The following RAB3IL1 variants were observed in gnomAD, a reference collection of about 807,000 sequenced individuals.
The protein encoded by RAB3IL1 is RAB3A interacting protein like 1.
RAB3IL1 carries 37 observed loss-of-function variants against 49.2 expected under a neutral mutation model. The ratio of observed to expected loss-of-function variants is 0.75; its 90% CI spans 0.58 to 0.99. The LOEUF (loss-of-function observed/expected upper bound fraction) is 0.99. Among genes scored for constraint, RAB3IL1 ranks in the 50% least tolerant of loss-of-function variants. RAB3IL1 has a pLI of 0.00. For missense variants in RAB3IL1, 484 were observed against 513.0 expected (o/e 0.94, Z 0.55); for synonymous variants, 193 against 213.9 (o/e 0.90, Z 0.85).
chr11:61,940,578 A>G, the RAB3IL1 span, among the ~76,000 whole-genome samples: 1 of 152,004 alleles, frequency 6.6e-6, no homozygotes, highest in Non-Finnish European at 1.5e-5. Context: ...CTTGAGCCCA[A>G]GAGTTCGAGA....
chr11:61,932,454 A>G, the RAB3IL1 span, among the ~76,000 whole-genome samples: 4 of 152,174 alleles, frequency 2.6e-5, no homozygotes, highest in Non-Finnish European at 5.9e-5. Flanking sequence ...TTATTTGCTT[A>G]TATCAGTCTT....
chr11:61,941,933 A>C, the RAB3IL1 span, among the ~76,000 whole-genome samples: 1 of 152,124 alleles, frequency 6.6e-6, no homozygotes. Context: ...TGTAAAGGCC[A>C]GGCATGGTGG....
chr11:61,941,706 C>T, the RAB3IL1 span, among the ~76,000 whole-genome samples: 13 of 151,880 alleles, frequency 8.6e-5, no homozygotes, highest in African/African-American at 2.7e-4. Flanking sequence ...GAGCCCAGAT[C>T]GCACCACTGC....
the RAB3IL1 span, chr11:61,945,950 G>A: frequency 9.2e-5 from 30 of 325,264 alleles, no homozygotes; most frequent in Middle Eastern, 1.5e-3. Flanking sequence ...GGTTTCTGTC[G>A]TCTTTCTGTG....
chr11:61,917,644 C>T, upstream of RAB3IL1: 4 of 898,410 alleles, frequency 4.5e-6, no homozygotes, highest in Non-Finnish European at 5.4e-6. Flanking sequence ...ATCCGGCGCG[C>T]GCTCCCAAGG....
the RAB3IL1 span, among the ~76,000 whole-genome samples, chr11:61,934,079 A>G: frequency 5.3e-5 from 8 of 152,298 alleles, no homozygotes; most frequent in South Asian, 6.2e-4. Flanking sequence ...AAGTCTAGCT[A>G]TACTTTGTCC....
chr11:61,923,598 A>C (rs368504145), upstream of RAB3IL1, among the ~76,000 whole-genome samples: 1 of 149,928 alleles, frequency 6.7e-6, no homozygotes, highest in Admixed American at 6.6e-5. Flanking sequence ...CCCCAAAAAC[A>C]TGTGTGCAGG....
the RAB3IL1 span, among the ~76,000 whole-genome samples, chr11:61,926,791 G>A: frequency 1.3e-5 from 2 of 152,046 alleles, no homozygotes; most frequent in Non-Finnish European, 2.9e-5. Flanking sequence ...CTGACCCTGT[G>A]ATCTGCCCGC....
chr11:61,932,733 A>G, the RAB3IL1 span, among the ~76,000 whole-genome samples: 5 of 150,790 alleles, frequency 3.3e-5, no homozygotes, highest in African/African-American at 1.2e-4. Context: ...TCAACATTAT[A>G]TCCAAGACTT....
At chr11:61,924,433 A>G (rs529769551), upstream of RAB3IL1, among the ~76,000 whole-genome samples, 10 of 152,198 alleles carry the variant, frequency 6.6e-5, no homozygotes, top group East Asian at 5.8e-4. Context: ...GAATTAACCT[A>G]CTCGAGGACA....
the RAB3IL1 span, chr11:61,945,780 A>C: frequency 1.0e-6 from 1 of 985,216 alleles, no homozygotes; most frequent in Non-Finnish European, 1.2e-6. Context: ...CACCTGGCCG[A>C]CTGCAGCCTG....
At chr11:61,945,584 T>C in the RAB3IL1 span, among the ~76,000 whole-genome samples, 1 of 152,316 alleles carries the variant, frequency 6.6e-6, no homozygotes, top group African/African-American at 2.4e-5. Flanking sequence ...AAACTCAACA[T>C]GCCCATTTGA....
the RAB3IL1 span, among the ~76,000 whole-genome samples, chr11:61,939,392 T>A: frequency 1.8e-3 from 281 of 152,250 alleles, no homozygotes; most frequent in African/African-American, 6.6e-3. Flanking sequence ...AAGGGAAATT[T>A]ATAGCTGTAA....
At chr11:61,927,777 C>T in the RAB3IL1 span, among the ~76,000 whole-genome samples, 2 of 152,108 alleles carry the variant, frequency 1.3e-5, no homozygotes, top group Middle Eastern at 3.2e-3. Context: ...TTGCTCTCTT[C>T]CACTTGCTCT....
At chr11:61,929,849 G>T in the RAB3IL1 span, among the ~76,000 whole-genome samples, 1 of 145,776 alleles carries the variant, frequency 6.9e-6, no homozygotes, top group African/African-American at 2.5e-5. Context: ...GCCTCCCAAA[G>T]TGCTGGGACT....
At chr11:61,932,769 A>ATTTT in the RAB3IL1 span, among the ~76,000 whole-genome samples, 29 of 134,048 alleles carry the variant, frequency 2.2e-4, no homozygotes, top group East Asian at 1.7e-3. Flanking sequence ...ACTATAGTTC[A>ATTTT]TTTTTTTTTT....
chr11:61,944,212 T>TTCCC, the RAB3IL1 span, among the ~76,000 whole-genome samples: 3,129 of 143,928 alleles, frequency 0.022, 104 homozygotes, highest in African/African-American at 0.082. Flanking sequence ...TTTCCTTCCC[T>TTCCC]TCCTTCCCTC....
intron 9 of RAB3IL1, 82 bp downstream of exon 9, chr11:61,899,232 G>A (rs1175115620): frequency 1.4e-6 from 2 of 1,445,608 alleles, no homozygotes; most frequent in Non-Finnish European, 1.9e-6. Context: ...CTCCACTAGG[G>A]GCAGGTGGGC....
upstream of RAB3IL1, among the ~76,000 whole-genome samples, chr11:61,925,195 C>T (rs931696686): frequency 1.3e-5 from 2 of 152,190 alleles, no homozygotes; most frequent in South Asian, 2.1e-4. Flanking sequence ...CAATGGCTAA[C>T]AAGTAAAGGA....
Sources: gnomAD v4.1 joint callset for allele counts (sites outside exome capture counted in the v4.1 genomes callset) on GRCh38, gnomAD v4.1.1 for gene constraint, MANE v1.5 for transcripts, NCBI Gene and HGNC (gene_info 2026-07-23, HGNC 2026-07-21) for gene names.